The following RGS9 variants were observed in gnomAD, a reference collection of about 807,000 sequenced individuals.
RGS9 encodes the protein regulator of G-protein signalling 9.
A neutral mutation model predicts 102.0 loss-of-function variants in RGS9; 78 were observed. The observed-to-expected ratio is 0.76, with a 90% CI of 0.64 to 0.92. The LOEUF is 0.92. Ranked by LOEUF, RGS9 falls within the 40% of genes least tolerant of loss-of-function variation. The pLI is 0.00. For synonymous variants in RGS9, 353 were observed against 318.6 expected (o/e 1.11, Z -1.15); for missense variants, 833 against 866.1 (o/e 0.96, Z 0.48).
chr17:65,162,904 T>C (rs1445905380), intron 6 of RGS9, 109 bp from the exon 7 acceptor site: 3 of 701,000 alleles, frequency 4.3e-6, no homozygotes, highest in Non-Finnish European at 8.0e-6. Context: ...GCTGGGTCCA[T>C]GGTTGCCATG....
At chr17:65,137,632 G>A (rs1228910075) in intron 1 of RGS9, 35 bp downstream of exon 1, 1 of 1,609,878 alleles carries the variant, frequency 6.2e-7, no homozygotes, top group Non-Finnish European at 8.5e-7. Context: ...CCTGGGAGGA[G>A]GGCGGGGGAC....
chr17:65,225,760 A>G (rs1408186345), intron 18 of RGS9, among the ~76,000 whole-genome samples: 3 of 151,956 alleles, frequency 2.0e-5, no homozygotes, highest in Non-Finnish European at 4.4e-5. Flanking sequence ...ATGTTCTTCC[A>G]CTCACATTGT....
intron 15 of RGS9, among the ~76,000 whole-genome samples, chr17:65,207,269 A>G (rs926927160): frequency 2.6e-5 from 4 of 152,210 alleles, no homozygotes; most frequent in African/African-American, 9.7e-5. Flanking sequence ...GAGAGGTCAG[A>G]TGTGCTCTTG....
At chr17:65,211,156 C>T (rs149226671) in intron 17 of RGS9, among the ~76,000 whole-genome samples, 3 of 152,320 alleles carry the variant, frequency 2.0e-5, no homozygotes, top group African/African-American at 7.2e-5. Flanking sequence ...AGCTCCTCAT[C>T]CTATCTCTCT....
chr17:65,190,475 T>A (rs1912327077), intron 11 of RGS9, among the ~76,000 whole-genome samples: 4 of 152,178 alleles, frequency 2.6e-5, no homozygotes, highest in Admixed American at 2.6e-4. Context: ...CTGTTATGTT[T>A]CTTGGAATCC....
intron 2 of RGS9, 48 bp from the exon 3 acceptor site, chr17:65,158,247 T>C (rs376267678): frequency 7.1e-6 from 11 of 1,558,120 alleles, no homozygotes; most frequent in Non-Finnish European, 9.7e-6. Flanking sequence ...GGAGCGGGGA[T>C]GTGTCAGGAG....
intron 9 of RGS9, among the ~76,000 whole-genome samples, chr17:65,181,321 T>A (rs1238411963): frequency 6.6e-6 from 1 of 152,258 alleles, no homozygotes; most frequent in Non-Finnish European, 1.5e-5. Flanking sequence ...GACTTTTTGA[T>A]AATAGCCATT....
At position 65,155,137 on chromosome 17, in the gene RGS9, A is replaced by G. The variant is rs144655100; in HGVS notation, c.154+1619A>G. On this transcript the variant is annotated intron_variant, in intron 2 of 18. Coordinates refer to ENST00000262406, the MANE Select transcript of RGS9 (RefSeq NM_003835.4). ...TGACAAGCCAGACTTTGGAAAGGCC[A>G]AGAACCAGCGTAGCTCTGGGCACCC... Among the ~76,000 whole-genome samples, 260 of 152,348 alleles carry G rather than the reference A, an allele frequency of 1.7e-3. 3 individuals carry two copies. The highest frequency in any genetic ancestry group is 6.0e-3 in the African/African-American group (250 of 41,576).
intron 17 of RGS9, among the ~76,000 whole-genome samples, chr17:65,221,410 G>A (rs1913702909): frequency 6.6e-6 from 1 of 152,202 alleles, no homozygotes; most frequent in Admixed American, 6.5e-5. Context: ...AAGTGGAATG[G>A]AAGTTAATTC....
chr17:65,208,414 A>G (rs929814157), intron 16 of RGS9, among the ~76,000 whole-genome samples: 1 of 152,198 alleles, frequency 6.6e-6, no homozygotes, highest in Admixed American at 6.5e-5. Flanking sequence ...ATTGCACCCC[A>G]AGAGAAAATG....
At chr17:65,176,162 C>T (rs1174938698) in intron 8 of RGS9, among the ~76,000 whole-genome samples, 2 of 152,108 alleles carry the variant, frequency 1.3e-5, no homozygotes, top group East Asian at 3.8e-4. Flanking sequence ...AGTGAAAGAC[C>T]CAAATTATTG....
At chr17:65,171,536 A>G (rs1911420653) in intron 8 of RGS9, among the ~76,000 whole-genome samples, 1 of 152,216 alleles carries the variant, frequency 6.6e-6, no homozygotes, top group South Asian at 2.1e-4. Flanking sequence ...GCTGGAGCAC[A>G]GGTGAGTGAC....
intron 17 of RGS9, among the ~76,000 whole-genome samples, chr17:65,219,420 C>A (rs1913624210): frequency 6.6e-6 from 1 of 152,116 alleles, no homozygotes; most frequent in African/African-American, 2.4e-5. Context: ...CGTTGAAATC[C>A]CAAATAGCAT....
rs2144080693 is a variant in RGS9 at position 65,197,248 on chromosome 17, CT to C, written c.976+10del. The C allele has an allele frequency of 1.9e-6, 3 of 1,551,424 alleles. No homozygotes were observed. Among genetic ancestry groups the C allele is most frequent in the Non-Finnish European group, 2.7e-6 (3 of 1,125,230 alleles). On this transcript the variant is annotated splice_region_variant and intron_variant, in intron 13 of 18. Transcript: ENST00000262406. Reference sequence around the variant, plus strand: ...CTCAAGAAAGAATTCAGTGGTGGGTCTTTGTTTACAAAAAAAAATTAAAATA... The same window carrying C: ...CTCAAGAAAGAATTCAGTGGTGGGTCTTGTTTACAAAAAAAAATTAAAATA...
intron 9 of RGS9, among the ~76,000 whole-genome samples, chr17:65,181,647 G>A (rs1911890038): frequency 2.0e-5 from 3 of 152,234 alleles, no homozygotes; most frequent in Non-Finnish European, 1.5e-5. Flanking sequence ...GCCGCTCATG[G>A]CAGGATCACT....
chr17:65,202,663 G>A (rs1048077554), intron 14 of RGS9, among the ~76,000 whole-genome samples: 3 of 152,122 alleles, frequency 2.0e-5, no homozygotes, highest in Non-Finnish European at 4.4e-5. Context: ...GCAGCAATAA[G>A]TCTGTCCCTC....
chr17:65,140,766 T>C (rs1910125837), intron 1 of RGS9, among the ~76,000 whole-genome samples: 1 of 152,070 alleles, frequency 6.6e-6, no homozygotes, highest in Non-Finnish European at 1.5e-5. Context: ...TCCCAGCTAC[T>C]TGGGAGGCTG....
intron 18 of RGS9, 109 bp from the exon 19 acceptor site, chr17:65,227,166 G>T (rs1905724857): frequency 1.3e-6 from 2 of 1,502,474 alleles, no homozygotes; most frequent in African/African-American, 1.4e-5. Context: ...CACAGTCTTT[G>T]GCAAATGCAC....
At chr17:65,140,580 A>T (rs1180833337) in intron 1 of RGS9, among the ~76,000 whole-genome samples, 1 of 152,190 alleles carries the variant, frequency 6.6e-6, no homozygotes, top group Non-Finnish European at 1.5e-5. Context: ...GCAAATTAAG[A>T]AGATCACTGG....
Sources: allele counts gnomAD v4.1 joint callset (sites outside exome capture counted in the v4.1 genomes callset), GRCh38; gene constraint gnomAD v4.1.1; transcripts MANE v1.5; gene names NCBI Gene and HGNC (gene_info 2026-07-23, HGNC 2026-07-21).